The following ADGRG4 variants were observed in gnomAD, a reference collection of about 807,000 sequenced individuals.
ADGRG4 encodes the protein adhesion G protein-coupled receptor G4, also known as G protein-coupled receptor 112.
A neutral mutation model predicts 126.2 loss-of-function variants in ADGRG4; 122 were observed. That is an observed-to-expected ratio of 0.97 (90% CI 0.83 to 1.12). ADGRG4 has a LOEUF of 1.12. ADGRG4 is among the 50% of genes most tolerant of loss of function. ADGRG4 has a pLI of 0.00. For synonymous variants in ADGRG4, 943 were observed against 838.7 expected, an observed-to-expected ratio of 1.12 and a Z score of -2.15; for missense variants, 2,481 against 2,251.8, an observed-to-expected ratio of 1.10 and a Z score of -2.06.
intron 5 of ADGRG4, among the ~76,000 whole-genome samples, chrX:136,324,800 G>A (rs1015761679): frequency 1.6e-4 from 18 of 111,728 alleles, no homozygotes; most frequent in Non-Finnish European, 2.6e-4. Flanking sequence ...CTTCTTGTAC[G>A]TTTTCTGCTC....
intron 1 of ADGRG4, among the ~76,000 whole-genome samples, chrX:136,303,238 T>C (rs919718834): frequency 1.8e-5 from 2 of 110,421 alleles, no homozygotes; most frequent in Admixed American, 9.7e-5. Flanking sequence ...GAGGATTGCT[T>C]GAGGCAGGAA....
chrX:136,344,262 A>G (rs1473008839), intron 5 of ADGRG4, 130 bp from the exon 6 acceptor site: 10 of 455,680 alleles, frequency 2.2e-5, no homozygotes, highest in Non-Finnish European at 2.9e-5. Flanking sequence ...AGGAAAATCA[A>G]GTGATCAAGT....
rs775950729 is a variant in ADGRG4 at position 136,311,736 on chromosome X, G to A, written c.70+2889G>A. On this transcript the variant is annotated intron_variant, in intron 4 of 25. Coordinates refer to ENST00000394143, the MANE Select transcript of ADGRG4 (RefSeq NM_153834.4). ...AGAAAATCAGTCCTTAGGCTGTAGA[G>A]ACAAACTAGGCCAGGGCAGTCAGGA... Among the ~76,000 whole-genome samples, 3 of 111,672 alleles carry A rather than the reference G, an allele frequency of 2.7e-5. No homozygotes were observed. The South Asian group carries it at 1.2e-3, about 43-fold the overall frequency.
At chrX:136,303,769 G>A (rs1037234695) in intron 1 of ADGRG4, among the ~76,000 whole-genome samples, 3 of 111,296 alleles carry the variant, frequency 2.7e-5, no homozygotes, top group Non-Finnish European at 5.7e-5. Flanking sequence ...TTCTATGGTT[G>A]AGCCCCAAAT....
At chrX:136,363,935 G>A (rs996308506) in intron 13 of ADGRG4, among the ~76,000 whole-genome samples, 28 of 109,564 alleles carry the variant, frequency 2.6e-4, no homozygotes, top group Admixed American at 6.8e-4. Context: ...TCAGCCTCCC[G>A]AGTAGCTGGG....
At chrX:136,409,048 G>GACACACACAC (rs71995144) in intron 23 of ADGRG4, among the ~76,000 whole-genome samples, 42 of 90,883 alleles carry the variant, frequency 4.6e-4, no homozygotes, top group African/African-American at 1.5e-3. Flanking sequence ...TCAAATTCAA[G>GACACACACAC]ACACACACAC....
At chrX:136,324,475 A>G (rs977587222) in intron 5 of ADGRG4, among the ~76,000 whole-genome samples, 1 of 111,047 alleles carries the variant, frequency 9.0e-6, no homozygotes, top group African/African-American at 3.3e-5. Context: ...TGGCATGATC[A>G]TAGCTCACTG....
chrX:136,359,483 AG>A, intron 11 of ADGRG4, 28 bp downstream of exon 11: 1 of 1,090,392 alleles, frequency 9.2e-7, no homozygotes, highest in African/African-American at 1.8e-5. Flanking sequence ...TGGATATTGC[AG>A]TATGAACTTA....
chrX:136,385,316 T>C (rs755959074), intron 15 of ADGRG4, among the ~76,000 whole-genome samples: 124 of 111,850 alleles, frequency 1.1e-3, no homozygotes, highest in Non-Finnish European at 2.1e-3. Flanking sequence ...TGTGAGACCA[T>C]GGATATGTTA....
intron 4 of ADGRG4, among the ~76,000 whole-genome samples, chrX:136,319,700 T>TATC (rs2074826897): frequency 3.4e-5 from 1 of 29,681 alleles, no homozygotes; most frequent in Non-Finnish European, 7.1e-5. Context: ...ACAGTGATTC[T>TATC]ATCTATCTAT....
Position 136,348,731 on chromosome X carries a change from T to C in ADGRG4, c.5025T>C (p.Thr1675=). Reference sequence around the variant, plus strand: ...TAGTGACTCCATTTGTAGGCACCACTGCCTTCTCTCCACTCAGTTCTAAGA... The same window carrying C: ...TAGTGACTCCATTTGTAGGCACCACCGCCTTCTCTCCACTCAGTTCTAAGA... The part of the protein sequence containing the change: ...AGIVTPFVGT[T]AFSPLSSKST... The change falls in exon 6 of 26, where the codon ACT becomes ACC. Residue 1675 remains threonine, a synonymous_variant. Coordinates refer to ENST00000394143, the MANE Select transcript of ADGRG4 (RefSeq NM_153834.4). 1 of 1,210,448 alleles carries C rather than the reference T, an allele frequency of 8.3e-7. No individual in the cohort carries two copies. Among genetic ancestry groups the C allele is most frequent in the Non-Finnish European group, 1.1e-6 (1 of 895,084 alleles).
At chrX:136,321,339 G>T (rs1254001988) in intron 4 of ADGRG4, among the ~76,000 whole-genome samples, 5 of 111,763 alleles carry the variant, frequency 4.5e-5, no homozygotes, top group Middle Eastern at 4.6e-3. Context: ...AGTGTGTGTG[G>T]GGGGCAGGCA....
intron 13 of ADGRG4, among the ~76,000 whole-genome samples, chrX:136,365,001 A>T (rs1249643088): frequency 8.9e-6 from 1 of 111,907 alleles, no homozygotes; most frequent in Admixed American, 9.5e-5. Context: ...TCCCACTTGC[A>T]AATTATGAAA....
intron 15 of ADGRG4, among the ~76,000 whole-genome samples, chrX:136,374,306 T>C (rs1057258263): frequency 4.5e-5 from 5 of 111,786 alleles, no homozygotes; most frequent in African/African-American, 6.5e-5. Flanking sequence ...AGTTTGGCTA[T>C]TATGAATAAT....
At chrX:136,327,632 CTAGCCCATCATTGA>C (rs2074882370) in intron 5 of ADGRG4, among the ~76,000 whole-genome samples, 1 of 109,977 alleles carries the variant, frequency 9.1e-6, no homozygotes, top group Admixed American at 9.7e-5. Flanking sequence ...ATTTATTTAA[CTAGCCCATCATTGA>C]TGGCCATTTA....
At chrX:136,374,871 A>G (rs1314266094) in intron 15 of ADGRG4, among the ~76,000 whole-genome samples, 1 of 111,278 alleles carries the variant, frequency 9.0e-6, no homozygotes, top group Non-Finnish European at 1.9e-5. Flanking sequence ...CCCATTTTTA[A>G]ATGGGGTAGT....
Position 136,347,342 on chromosome X carries a change from G to C in ADGRG4, c.3636G>C (p.Glu1212Asp), listed in dbSNP as rs749286332. The C allele has an allele frequency of 3.3e-6, 4 of 1,208,490 alleles. No homozygotes were observed. The highest frequency in any genetic ancestry group is 4.5e-6 in the Non-Finnish European group (4 of 892,977). Reference sequence around the variant, plus strand: ...CCACAGAGACCTCTGTTGTTGATGAGACCACACCCTCACACATCTCTGCCA... The same window carrying C: ...CCACAGAGACCTCTGTTGTTGATGACACCACACCCTCACACATCTCTGCCA... ...TGTTETSVVDETTPSHISANK... is the reference protein window; with the variant it reads ...TGTTETSVVDDTTPSHISANK... Residue 1212 changes from glutamate (E) to aspartate (D), a missense_variant, in exon 6 of 26, where the codon GAG (glutamate) becomes GAC (aspartate). Transcript: ENST00000394143.
chrX:136,345,659 C>T lies in ADGRG4; in HGVS notation c.1953C>T (p.Ser651=). The T allele has an allele frequency of 1.7e-6, 2 of 1,210,449 alleles. No individual in the cohort carries two copies. The highest frequency in any genetic ancestry group is 3.0e-5 in the East Asian group (1 of 33,835). ...TTDEAAHLFS[S]NETIWTSRPD... ...ATGAAGCTGCCCATCTGTTCTCCAG[C>T]AATGAGACCATTTGGACTTCTAGGC... Residue 651 remains serine, a synonymous_variant, in exon 6 of 26, where the codon AGC becomes AGT. Coordinates refer to ENST00000394143, the MANE Select transcript of ADGRG4 (RefSeq NM_153834.4).
intron 15 of ADGRG4, among the ~76,000 whole-genome samples, chrX:136,373,281 C>T (rs1312429769): frequency 8.9e-6 from 1 of 111,896 alleles, no homozygotes; most frequent in East Asian, 2.8e-4. Context: ...CACCTTTGGC[C>T]CTGTGACCCC....
Sources: allele counts gnomAD v4.1 joint callset (sites outside exome capture counted in the v4.1 genomes callset), GRCh38; gene constraint gnomAD v4.1.1; transcripts MANE v1.5; gene names NCBI Gene and HGNC (gene_info 2026-07-23, HGNC 2026-07-21).